SLC7A11: variants seen among roughly 807,000 people sequenced by gnomAD.
The protein encoded by SLC7A11 is solute carrier family 7 member 11.
SLC7A11 carries 35 observed loss-of-function variants against 54.5 expected under a neutral mutation model. That is an observed-to-expected ratio of 0.64 (90% CI 0.49 to 0.85). The LOEUF is 0.85. Ranked by LOEUF, SLC7A11 falls within the 40% of genes least tolerant of loss-of-function variation. The pLI is 0.00. For synonymous variants in SLC7A11, 230 were observed against 225.2 expected, an observed-to-expected ratio of 1.02 and a Z score of -0.19; for missense variants, 583 against 618.1, an observed-to-expected ratio of 0.94 and a Z score of 0.60.
In SLC7A11 at chr4:138,170,893, CAG is replaced by C. The variant is rs750744068; in HGVS notation, c.*1061_*1062del. 40 of 151,920 alleles carry C rather than the reference CAG, an allele frequency of 2.6e-4. No homozygotes were observed. Among genetic ancestry groups the C allele is most frequent in the Non-Finnish European group, 5.0e-4 (34 of 67,964 alleles). The allele number at this position is 151,920 out of a possible 1,614,324, so 9.4% of individuals were successfully genotyped here. A position where few individuals can be genotyped will look rare whatever the true frequency, so the allele number is the denominator to read the frequency against. ...AGTTTCATCTGAAGAGATATTTTAA[CAG>C]AAGAATATAAAATGTATAAAGAAAA... is the stretch of plus-strand genomic sequence containing the variant. On this transcript the variant is annotated 3_prime_UTR_variant, in exon 12 of 12. Transcript: ENST00000280612.
chr4:138,206,169 C>T (rs1427628787), intron 6 of SLC7A11, among the ~76,000 whole-genome samples: 1 of 151,850 alleles, frequency 6.6e-6, no homozygotes, highest in Non-Finnish European at 1.5e-5. Flanking sequence ...AAGGTCCCCT[C>T]TAATTTTGAA....
At chr4:138,183,663 T>A (rs1364837153) in intron 7 of SLC7A11, among the ~76,000 whole-genome samples, 1 of 152,146 alleles carries the variant, frequency 6.6e-6, no homozygotes, top group Non-Finnish European at 1.5e-5. Context: ...AATCTTTCTG[T>A]ATAATACGTT....
At chr4:138,218,713 G>A (rs11100854) in intron 5 of SLC7A11, among the ~76,000 whole-genome samples, 50,866 of 151,924 alleles carry the variant, frequency 0.33, 9,225 homozygotes, top group East Asian at 0.47. Flanking sequence ...AACATGTAAG[G>A]TCCTTTTAAA....
At chr4:138,220,121 G>A (rs1353711726) in intron 4 of SLC7A11, among the ~76,000 whole-genome samples, 1 of 151,922 alleles carries the variant, frequency 6.6e-6, no homozygotes, top group Non-Finnish European at 1.5e-5. Context: ...CATATTTTTA[G>A]TAGAGATGGG....
In SLC7A11 at chr4:138,223,304, T is replaced by C. The variant is rs575225862; in HGVS notation, c.541A>G (p.Ser181Gly). ...VGITVVMVLN[S>G]MSVSWSARIQ... is the part of the protein sequence containing the mutation. ...CGGGCGCTCCAGCTGACACTCATGC[T>C]ATTTAGGACCATCACTACAGCTGCA... Residue 181 changes from serine (S) to glycine (G), a missense_variant, in exon 4 of 12, where the codon AGC becomes GGC. Ser to Gly is a moderately conservative substitution (Grantham distance 56). Coordinates refer to ENST00000280612, the MANE Select transcript of SLC7A11 (RefSeq NM_014331.4). The C allele has an allele frequency of 1.2e-6, 2 of 1,613,672 alleles. No homozygotes were observed. Among genetic ancestry groups the C allele is most frequent in the East Asian group, 4.5e-5 (2 of 44,858 alleles).
rs945823435 is a variant in SLC7A11 at position 138,221,234 on chromosome 4, T to C, written c.647-1869A>G. Among the ~76,000 whole-genome samples the C allele has an allele frequency of 1.3e-4, 20 of 152,296 alleles. No individual in the cohort carries two copies. The East Asian group carries it at 3.9e-3, about 29-fold the overall frequency. On this transcript the variant is annotated intron_variant, in intron 4 of 11. Transcript: ENST00000280612. Reference sequence around the variant, plus strand: ...AATATTACAAAAGAGAGGCATTTTGTTTCTAGAATTCAGGAATATTTTGGC... The same window carrying C: ...AATATTACAAAAGAGAGGCATTTTGCTTCTAGAATTCAGGAATATTTTGGC...
intron 6 of SLC7A11, among the ~76,000 whole-genome samples, chr4:138,208,193 A>G (rs926745304): frequency 2.0e-5 from 3 of 152,116 alleles, no homozygotes; most frequent in Non-Finnish European, 4.4e-5. Context: ...GATTATTTAA[A>G]CCTTCTATTA....
rs1464942249 is a variant in SLC7A11 at position 138,182,195 on chromosome 4, A to G, written c.1116+102T>C. On this transcript the variant is annotated intron_variant, in intron 9 of 11. Transcript: ENST00000280612. ...AACTCCACCATGACATACATTAGCA[A>G]TGAATGAGAAAGTAAAATACTATCT... The G allele has an allele frequency of 2.0e-5, 14 of 702,488 alleles. No homozygotes were observed. The Admixed American group carries it at 2.7e-4, about 13-fold the overall frequency. 43.5% of individuals were successfully genotyped at this position (702,488 alleles called of 1,614,324 possible).
intron 6 of SLC7A11, among the ~76,000 whole-genome samples, chr4:138,192,719 A>G (rs1737040436): frequency 6.6e-6 from 1 of 152,152 alleles, no homozygotes; most frequent in South Asian, 2.1e-4. Context: ...TACAATATCA[A>G]ATAAAAACTG....
intron 6 of SLC7A11, among the ~76,000 whole-genome samples, chr4:138,190,155 A>G (rs886826352): frequency 6.6e-6 from 1 of 152,110 alleles, no homozygotes; most frequent in Non-Finnish European, 1.5e-5. Context: ...CAAAACCTAC[A>G]TTTGTGTGTT....
intron 6 of SLC7A11, among the ~76,000 whole-genome samples, chr4:138,210,507 T>A (rs537850594): frequency 6.6e-5 from 10 of 151,988 alleles, no homozygotes; most frequent in Non-Finnish European, 1.3e-4. Flanking sequence ...TGACAAAAGT[T>A]TAATATCCAA....
chr4:138,181,391 A>G (rs765246307), intron 9 of SLC7A11, among the ~76,000 whole-genome samples: 1 of 152,008 alleles, frequency 6.6e-6, no homozygotes, highest in Non-Finnish European at 1.5e-5. Flanking sequence ...CGCAGAGATC[A>G]GCTTAGCAAG....
At chr4:138,185,701 C>T (rs1346501041) in intron 6 of SLC7A11, among the ~76,000 whole-genome samples, 1 of 152,196 alleles carries the variant, frequency 6.6e-6, no homozygotes, top group Admixed American at 6.6e-5. Flanking sequence ...ATAAACATTT[C>T]TAATACTAAT....
At chr4:138,200,638 A>C (rs1737254505) in intron 6 of SLC7A11, among the ~76,000 whole-genome samples, 1 of 152,152 alleles carries the variant, frequency 6.6e-6, no homozygotes, top group African/African-American at 2.4e-5. Context: ...TCAGGATTTT[A>C]ACTTATAAAT....
intron 1 of SLC7A11, among the ~76,000 whole-genome samples, chr4:138,240,472 C>A (rs966483168): frequency 6.7e-6 from 1 of 149,978 alleles, no homozygotes; most frequent in East Asian, 2.0e-4. Flanking sequence ...GAGGCTTAGG[C>A]AGGAGAATTG....
intron 6 of SLC7A11, among the ~76,000 whole-genome samples, chr4:138,196,299 G>A (rs1012458524): frequency 6.6e-6 from 1 of 152,142 alleles, no homozygotes; most frequent in African/African-American, 2.4e-5. Flanking sequence ...GCCACCAGTG[G>A]GGAGTTGGGT....
rs1300209773 is a variant in SLC7A11 at position 138,169,163 on chromosome 4, T to A, written c.*2793A>T. 1 of 152,116 alleles carries A rather than the reference T, an allele frequency of 6.6e-6. No individual in the cohort carries two copies. The highest frequency in any genetic ancestry group is 1.5e-5 in the Non-Finnish European group (1 of 67,990). 9.4% of individuals were successfully genotyped at this position (152,116 alleles called of 1,614,324 possible). A position where few individuals can be genotyped will look rare whatever the true frequency, so the allele number is the denominator to read the frequency against. ...CAAAGTACAAGTACAGAACATGTAGTAAGTAGTATGTGCATGTATGTGTGT... is the reference window on the plus strand; with the variant it reads ...CAAAGTACAAGTACAGAACATGTAGAAAGTAGTATGTGCATGTATGTGTGT... On this transcript the variant is annotated 3_prime_UTR_variant, in exon 12 of 12. Transcript: ENST00000280612.
At chr4:138,184,833 A>G (rs1294877100) in intron 7 of SLC7A11, among the ~76,000 whole-genome samples, 2 of 152,134 alleles carry the variant, frequency 1.3e-5, no homozygotes. Context: ...CTGTCCACCT[A>G]TCTTTAAAGA....
rs1311934976 is a variant in SLC7A11, at chr4:138,185,023, C to T, written c.915+98G>A. ...TATTATTCAGGTCAAGAAAAGATTA[C>T]TGAATTTCAAAACACTTTCTGCTAG... is the stretch of plus-strand genomic sequence containing the variant. On this transcript the variant is annotated intron_variant, in intron 7 of 11. Transcript: ENST00000280612. 19 of 1,372,732 alleles carry T rather than the reference C, an allele frequency of 1.4e-5. No homozygotes were observed. The East Asian group carries it at 4.4e-4, about 32-fold the overall frequency. 85.0% of individuals were successfully genotyped at this position (1,372,732 alleles called of 1,614,324 possible). A position where few individuals can be genotyped will look rare whatever the true frequency, so the allele number is the denominator to read the frequency against.
Sources: allele counts gnomAD v4.1 joint callset (sites outside exome capture counted in the v4.1 genomes callset), GRCh38; gene constraint gnomAD v4.1.1; transcripts MANE v1.5; gene names NCBI Gene and HGNC (gene_info 2026-07-23, HGNC 2026-07-21).